The following ANKS1B variants were observed in gnomAD, a reference collection of about 807,000 sequenced individuals.
The protein encoded by ANKS1B is ankyrin repeat and sterile alpha motif domain-containing protein 1B.
Under a neutral mutation model 148.3 loss-of-function variants are expected in ANKS1B, and 36 were observed. The ratio of observed to expected loss-of-function variants is 0.24; its 90% CI spans 0.19 to 0.32. The LOEUF is 0.32. ANKS1B is among the 10% of genes least tolerant of loss of function. ANKS1B has a pLI of 1.00. For missense variants in ANKS1B, 1,157 were observed against 1,542.6 expected (o/e 0.75, Z 4.19); for synonymous variants, 542 against 560.8 (o/e 0.97, Z 0.47).
At chr12:99,002,871 G>A (rs2099933880) in intron 17 of ANKS1B, among the ~76,000 whole-genome samples, 1 of 151,792 alleles carries the variant, frequency 6.6e-6, no homozygotes, top group Non-Finnish European at 1.5e-5. Context: ...TGCTTTTGTC[G>A]CTGTGCTCTT....
chr12:99,803,644 A>C (rs921951753), intron 4 of ANKS1B, among the ~76,000 whole-genome samples: 5 of 152,238 alleles, frequency 3.3e-5, no homozygotes, highest in Non-Finnish European at 5.9e-5. Context: ...TGGCAATGAT[A>C]TAAAATGGTA....
intron 12 of ANKS1B, among the ~76,000 whole-genome samples, chr12:99,377,799 C>T (rs1054206729): frequency 1.3e-5 from 2 of 152,202 alleles, no homozygotes; most frequent in Non-Finnish European, 2.9e-5. Flanking sequence ...ACAACAATAT[C>T]TCCCATCCCA....
At chr12:99,292,752 G>A (rs2080204235) in intron 12 of ANKS1B, among the ~76,000 whole-genome samples, 1 of 152,156 alleles carries the variant, frequency 6.6e-6, no homozygotes, top group Admixed American at 6.5e-5. Flanking sequence ...AAGGAAAAAT[G>A]CTCATCATCA....
chr12:99,041,103 C>T (rs1598860673), intron 17 of ANKS1B, among the ~76,000 whole-genome samples: 1 of 152,148 alleles, frequency 6.6e-6, no homozygotes, highest in African/African-American at 2.4e-5. Context: ...AAGAACATAA[C>T]ACTGGGGAAA....
At chr12:99,770,702 C>G (rs997156412) in intron 8 of ANKS1B, among the ~76,000 whole-genome samples, 17 of 152,062 alleles carry the variant, frequency 1.1e-4, no homozygotes, top group African/African-American at 4.1e-4. Flanking sequence ...AAATTCTTAG[C>G]CTGACATTCA....
chr12:99,732,720 T>G (rs919226118), intron 8 of ANKS1B, among the ~76,000 whole-genome samples: 2 of 152,202 alleles, frequency 1.3e-5, no homozygotes, highest in Admixed American at 6.5e-5. Context: ...TGAATGAATT[T>G]TATTGTATGT....
chr12:98,836,427 T>C (rs1595077956), intron 17 of ANKS1B, among the ~76,000 whole-genome samples: 2 of 151,940 alleles, frequency 1.3e-5, no homozygotes, highest in African/African-American at 2.4e-5. Flanking sequence ...TGTGGAGTGG[T>C]AGAGAGGGTG....
At chr12:98,735,533 T>TATCA (rs768677050) in exon 10 of ANKS1B, 1 of 739,766 alleles carries the variant, frequency 1.4e-6, no homozygotes, top group Admixed American at 1.7e-5. Flanking sequence ...ATTTAGGCTT[T>TATCA]ATCAGCTATA....
chr12:99,119,161 C>T (rs1429326947), intron 15 of ANKS1B, among the ~76,000 whole-genome samples: 1 of 152,072 alleles, frequency 6.6e-6, no homozygotes, highest in African/African-American at 2.4e-5. Flanking sequence ...GCCCTAAATA[C>T]AAACACATGT....
At chr12:98,951,853 A>G (rs1370340153) in intron 17 of ANKS1B, among the ~76,000 whole-genome samples, 1 of 152,164 alleles carries the variant, frequency 6.6e-6, no homozygotes, top group Non-Finnish European at 1.5e-5. Context: ...TTGTTTGATT[A>G]TGCATGATTT....
chr12:99,461,299 G>C (rs903144759), intron 10 of ANKS1B, among the ~76,000 whole-genome samples: 1 of 151,988 alleles, frequency 6.6e-6, no homozygotes, highest in African/African-American at 2.4e-5. Context: ...GGCAGTGAGG[G>C]ATAAAAGTCT....
rs369957826 is a variant in ANKS1B, at chr12:99,844,688, C to T, written c.135-19299G>A. 1.3e-4 allele frequency among the ~76,000 whole-genome samples: 20 copies of T among 152,216 alleles called. No individual in the cohort carries two copies. In the East Asian group the frequency reaches 2.5e-3, roughly 19 times the overall value. ...GTAGCATGATGCCTCCAGCTTTGTT[C>T]TTTTTGCTTAGGATTCTCTTTGCTA... On this transcript the variant is annotated intron_variant, in intron 1 of 26. Transcript: ENST00000683438.
At chr12:99,269,261 C>A (rs1229750583) in intron 12 of ANKS1B, among the ~76,000 whole-genome samples, 1 of 152,022 alleles carries the variant, frequency 6.6e-6, no homozygotes, top group African/African-American at 2.4e-5. Flanking sequence ...TTTTTATTTT[C>A]CTGTTTTAAA....
chr12:98,985,120 A>G (rs577380614), intron 17 of ANKS1B, among the ~76,000 whole-genome samples: 1 of 152,188 alleles, frequency 6.6e-6, no homozygotes, highest in Non-Finnish European at 1.5e-5. Context: ...TATTTTATTT[A>G]TTATTTTATT....
intron 16 of ANKS1B, among the ~76,000 whole-genome samples, chr12:99,079,024 T>C (rs943483513): frequency 6.6e-6 from 1 of 152,138 alleles, no homozygotes; most frequent in Non-Finnish European, 1.5e-5. Context: ...CAGCCAACAG[T>C]GTGTGAGGCA....
chr12:99,459,459 A>G (rs527557143), intron 10 of ANKS1B, among the ~76,000 whole-genome samples: 80 of 152,114 alleles, frequency 5.3e-4, no homozygotes, highest in Non-Finnish European at 1.0e-3. Flanking sequence ...AATAAAGAGG[A>G]AGTTAAACTG....
At chr12:99,933,141 C>T (rs893317883) in intron 1 of ANKS1B, among the ~76,000 whole-genome samples, 3 of 152,118 alleles carry the variant, frequency 2.0e-5, no homozygotes, top group Admixed American at 1.3e-4. Context: ...TATGCCAGTA[C>T]TGTGCTGTGT....
chr12:99,237,927 G>C (rs145402069), intron 14 of ANKS1B, among the ~76,000 whole-genome samples: 6 of 152,264 alleles, frequency 3.9e-5, no homozygotes, highest in Non-Finnish European at 8.8e-5. Flanking sequence ...AACTTCACTG[G>C]TGTCCAAGGT....
chr12:98,830,282 C>G (rs7299162), intron 18 of ANKS1B, among the ~76,000 whole-genome samples: 1 of 151,772 alleles, frequency 6.6e-6, no homozygotes, highest in Non-Finnish European at 1.5e-5. Context: ...TTTGAGGCTC[C>G]TCTTTCTAAG....
Sources: allele counts gnomAD v4.1 joint callset (sites outside exome capture counted in the v4.1 genomes callset), GRCh38; gene constraint gnomAD v4.1.1; transcripts MANE v1.5; gene names NCBI Gene and HGNC (gene_info 2026-07-23, HGNC 2026-07-21).